Variants in SHANK2 observed in about 807,000 individuals in gnomAD.
SHANK2 encodes the protein SH3 and multiple ankyrin repeat domains 2.
In SHANK2, 43 loss-of-function variants were observed where a neutral mutation model predicts 133.7. The observed-to-expected ratio is 0.32, with a 90% confidence interval of 0.25 to 0.41. SHANK2 has a LOEUF of 0.41. Among genes scored for constraint, SHANK2 ranks in the 10% least tolerant of loss-of-function variants. The pLI is 1.00. For synonymous variants in SHANK2, 1,017 were observed against 952.8 expected (o/e 1.07, Z -1.24); for missense variants, 1,994 against 2,235.8 (o/e 0.89, Z 2.18).
intron 10 of SHANK2, among the ~76,000 whole-genome samples, chr11:70,928,367 G>A (rs1950457405): frequency 6.6e-6 from 1 of 152,126 alleles, no homozygotes; most frequent in South Asian, 2.1e-4. Flanking sequence ...CCTTATTCAG[G>A]GCAGAACAGG....
intron 2 of SHANK2, among the ~76,000 whole-genome samples, chr11:71,151,875 C>A (rs1555108159): frequency 6.6e-6 from 1 of 152,148 alleles, no homozygotes; most frequent in Non-Finnish European, 1.5e-5. Context: ...CCAGTGAACA[C>A]ACGCTGGGTG....
chr11:70,678,367 C>T (rs376788460), intron 15 of SHANK2, among the ~76,000 whole-genome samples: 4 of 152,052 alleles, frequency 2.6e-5, no homozygotes, highest in East Asian at 1.9e-4. Context: ...CTCCAGGGCT[C>T]AAGGAATCCT....
chr11:71,108,941 C>CG (rs1353334763), intron 6 of SHANK2, among the ~76,000 whole-genome samples: 2 of 152,210 alleles, frequency 1.3e-5, no homozygotes, highest in Admixed American at 6.5e-5. Flanking sequence ...CAGCGGGCCC[C>CG]CCCCCAGCGT....
intron 3 of SHANK2, 114 bp from the exon 4 acceptor site, chr11:71,119,146 T>C: frequency 1.2e-6 from 1 of 827,682 alleles, no homozygotes; most frequent in Non-Finnish European, 1.9e-6. Flanking sequence ...CGACACTTCC[T>C]CTGAGCAGTG....
intron 11 of SHANK2, among the ~76,000 whole-genome samples, chr11:70,861,040 C>T (rs782217740): frequency 1.3e-5 from 2 of 152,290 alleles, no homozygotes; most frequent in Non-Finnish European, 2.9e-5. Flanking sequence ...CTGGCCTTTC[C>T]GGGCCCCCTT....
chr11:71,245,147 A>T (rs1954944207), intron 1 of SHANK2, among the ~76,000 whole-genome samples: 1 of 150,868 alleles, frequency 6.6e-6, no homozygotes, highest in Admixed American at 6.6e-5. Flanking sequence ...CACCTGGCTA[A>T]TTTTTTATTT....
chr11:70,801,670 G>A (rs1340920542), intron 13 of SHANK2, among the ~76,000 whole-genome samples: 3 of 152,190 alleles, frequency 2.0e-5, no homozygotes, highest in Non-Finnish European at 4.4e-5. Context: ...GTACAAGAGC[G>A]AGCACTGGGC....
At chr11:70,660,586 C>G (rs1484193138) in intron 16 of SHANK2, among the ~76,000 whole-genome samples, 1 of 152,152 alleles carries the variant, frequency 6.6e-6, no homozygotes, top group East Asian at 1.9e-4. Flanking sequence ...GGGCCCCACA[C>G]AGCTGCCAGG....
chr11:70,740,819 A>G (rs533062658), intron 14 of SHANK2, among the ~76,000 whole-genome samples: 1 of 152,222 alleles, frequency 6.6e-6, no homozygotes, highest in African/African-American at 2.4e-5. Flanking sequence ...GCAGTTCTGG[A>G]TGTCCAAGGC....
intron 2 of SHANK2, among the ~76,000 whole-genome samples, chr11:71,221,861 G>A (rs549147059): frequency 6.6e-5 from 10 of 152,080 alleles, no homozygotes; most frequent in East Asian, 1.9e-4. Flanking sequence ...GCCATGGCAC[G>A]GGGGCGTGAG....
intron 10 of SHANK2, among the ~76,000 whole-genome samples, chr11:70,941,634 G>C (rs1950649862): frequency 1.3e-5 from 2 of 152,072 alleles, no homozygotes; most frequent in Non-Finnish European, 2.9e-5. Context: ...GTCCTTATAA[G>C]AAGAGGCACC....
intron 2 of SHANK2, among the ~76,000 whole-genome samples, chr11:71,198,690 C>T (rs1338935868): frequency 6.6e-6 from 1 of 152,200 alleles, no homozygotes; most frequent in African/African-American, 2.4e-5. Flanking sequence ...GTCAGTCCCA[C>T]CGGGGTCCCC....
chr11:70,497,181 T>C (rs2058982987), intron 21 of SHANK2, among the ~76,000 whole-genome samples: 1 of 152,210 alleles, frequency 6.6e-6, no homozygotes, highest in Admixed American at 6.5e-5. Context: ...CCCTTGTCTC[T>C]TGGGGACGTG....
intron 3 of SHANK2, among the ~76,000 whole-genome samples, chr11:71,122,101 A>T (rs1555101572): frequency 6.6e-6 from 1 of 152,218 alleles, no homozygotes. Flanking sequence ...TTCCTCAAGG[A>T]TCTAGAACTA....
rs574397216 is a variant in SHANK2, at chr11:70,605,889, CGAGGAAG to C, written c.2061+53932_2061+53938del. On this transcript the variant is annotated intron_variant, in intron 17 of 25. Coordinates refer to ENST00000601538, the MANE Select transcript of SHANK2 (RefSeq NM_012309.5). ...GCTGGATTTAGGGGCCTGAAGCCAGCGAGGAAGGAGGAAGGAGGAAGCACAAATTTAA... is the reference window on the plus strand; with the variant it reads ...GCTGGATTTAGGGGCCTGAAGCCAGCGAGGAAGGAGGAAGCACAAATTTAA... Among the ~76,000 whole-genome samples the C allele has an allele frequency of 2.8e-4, 43 of 152,152 alleles. No individual in the cohort carries two copies. In the South Asian group the frequency reaches 5.2e-3, roughly 18 times the overall value.
Position 70,486,863 on chromosome 11 carries a change from G to C in SHANK2, c.3430C>G (p.Pro1144Ala). 1 of 1,612,762 alleles carries C rather than the reference G, an allele frequency of 6.2e-7. No homozygotes were observed. The highest frequency in any genetic ancestry group is 8.5e-7 in the Non-Finnish European group (1 of 1,179,932). ...DEDSAEQLSS[P>A]MPSATPREPE... ...TCCCTGGGCGTGGCACTCGGCATGG[G>C]GGATGACAGCTGCTCAGCGCTGTCC... The change falls in exon 25 of 26, where the codon CCC (proline) becomes GCC (alanine). Residue 1144 changes from proline to alanine, a missense_variant. This residue lies in a region of SHANK2 where 797 missense variants were observed against 907.4 expected (regional missense o/e 0.88). Transcript: ENST00000601538. This position sits in a 1 kb window ranked among gnomAD's most constrained non-coding sequence, Gnocchi z 8.0.
intron 17 of SHANK2, among the ~76,000 whole-genome samples, chr11:70,648,296 G>A (rs557329452): frequency 2.0e-5 from 3 of 151,896 alleles, no homozygotes; most frequent in African/African-American, 7.2e-5. Flanking sequence ...TATGGTCTGT[G>A]TATTTTACCA....
intron 14 of SHANK2, among the ~76,000 whole-genome samples, chr11:70,782,846 C>T (rs1470904308): frequency 1.3e-5 from 2 of 152,198 alleles, no homozygotes; most frequent in Non-Finnish European, 1.5e-5. Flanking sequence ...ACACGCAGCA[C>T]GTCCGCAGCG....
chr11:70,657,930 T>G (rs1392193455), intron 17 of SHANK2, among the ~76,000 whole-genome samples: 2 of 152,120 alleles, frequency 1.3e-5, no homozygotes, highest in African/African-American at 4.8e-5. Flanking sequence ...CTACATCTTC[T>G]AACCCACTGA....
Sources: gnomAD v4.1 joint callset for allele counts (sites outside exome capture counted in the v4.1 genomes callset) on GRCh38, gnomAD v4.1.1 for gene constraint, gnomAD v4.1.1 regional missense constraint, Gnocchi (gnomAD v3.1) non-coding constraint, MANE v1.5 for transcripts, NCBI Gene and HGNC (gene_info 2026-07-23, HGNC 2026-07-21) for gene names.